Variants in UPP2 observed in about 807,000 individuals in gnomAD.
UPP2 encodes uridine phosphorylase 2, also known as UPase 2.
Under a neutral mutation model 26.7 loss-of-function variants are expected in UPP2, and 23 were observed. The observed-to-expected ratio is 0.86, with a 90% CI of 0.62 to 1.22. The LOEUF is 1.22. Among genes scored for constraint, UPP2 ranks in the 50% most tolerant of loss-of-function variants. The probability of loss-of-function intolerance (pLI) is 0.00; values close to 1 mark genes in which losing one functional copy is unlikely to be tolerated. For missense variants in UPP2, 387 were observed against 396.7 expected, an observed-to-expected ratio of 0.98 and a Z score of 0.21; for synonymous variants, 127 against 141.3, an observed-to-expected ratio of 0.90 and a Z score of 0.72.
At chr2:158,014,348 T>C (rs1196368820) in intron 2 of UPP2, among the ~76,000 whole-genome samples, 2 of 152,088 alleles carry the variant, frequency 1.3e-5, no homozygotes, top group African/African-American at 2.4e-5. Flanking sequence ...TCGCAAATAC[T>C]CTCCAGAATC....
chr2:158,062,273 A>G (rs1193550436), intron 3 of UPP2, among the ~76,000 whole-genome samples: 2 of 152,244 alleles, frequency 1.3e-5, no homozygotes, highest in Non-Finnish European at 2.9e-5. Context: ...TGCAGCTAAG[A>G]AAACACATTT....
chr2:158,095,676 C>A (rs1367056709), intron 3 of UPP2, among the ~76,000 whole-genome samples: 1 of 152,144 alleles, frequency 6.6e-6, no homozygotes, highest in Non-Finnish European at 1.5e-5. Flanking sequence ...TAATACCTAT[C>A]TCACAGACGT....
At chr2:158,027,796 G>T (rs1368600115) in intron 3 of UPP2, among the ~76,000 whole-genome samples, 1 of 152,182 alleles carries the variant, frequency 6.6e-6, no homozygotes, top group Admixed American at 6.5e-5. Flanking sequence ...AATCTAGGCG[G>T]AGGTTTCCAA....
At chr2:158,063,139 C>T (rs1029892450) in intron 3 of UPP2, among the ~76,000 whole-genome samples, 1 of 152,102 alleles carries the variant, frequency 6.6e-6, no homozygotes, top group Non-Finnish European at 1.5e-5. Flanking sequence ...TGAACAATTA[C>T]CTTTTCTGGA....
At chr2:158,130,512 A>T (rs1417440227) in intron 6 of UPP2, among the ~76,000 whole-genome samples, 8 of 152,194 alleles carry the variant, frequency 5.3e-5, no homozygotes, top group Non-Finnish European at 1.2e-4. Context: ...GCTAGTAAAA[A>T]CATTTGCGGT....
At chr2:158,110,532 T>C (rs979083958) in intron 2 of UPP2, among the ~76,000 whole-genome samples, 5 of 152,198 alleles carry the variant, frequency 3.3e-5, no homozygotes. Flanking sequence ...CTGGGTCAAA[T>C]GATATTTCTA....
chr2:158,050,401 A>T (rs573971023), intron 3 of UPP2, among the ~76,000 whole-genome samples: 7 of 149,154 alleles, frequency 4.7e-5, no homozygotes, highest in Admixed American at 2.0e-4. Flanking sequence ...TTTTTTTTTT[A>T]AATGTACTAG....
intron 3 of UPP2, among the ~76,000 whole-genome samples, chr2:158,025,285 T>A (rs913145735): frequency 9.3e-5 from 14 of 150,860 alleles, no homozygotes; most frequent in African/African-American, 3.2e-4. Context: ...TCTGGATAAA[T>A]GCAATAACCC....
upstream of UPP2, among the ~76,000 whole-genome samples, chr2:158,097,178 T>G (rs1276120342): frequency 6.6e-6 from 1 of 152,178 alleles, no homozygotes; most frequent in African/African-American, 2.4e-5. Context: ...TAATAATCAC[T>G]TACTGCATGA....
chr2:158,115,931 T>A (rs1200416060), intron 3 of UPP2, among the ~76,000 whole-genome samples: 2 of 152,148 alleles, frequency 1.3e-5, no homozygotes, highest in African/African-American at 4.8e-5. Flanking sequence ...TCTGAAGCCA[T>A]CACATTTCTG....
chr2:158,129,430 G>A (rs1683763416), intron 6 of UPP2, among the ~76,000 whole-genome samples: 1 of 152,056 alleles, frequency 6.6e-6, no homozygotes, highest in South Asian at 2.1e-4. Flanking sequence ...CTGAGGATGT[G>A]GACTTGCAAG....
chr2:158,120,010 CA>C (rs377179788), intron 4 of UPP2, among the ~76,000 whole-genome samples: 65,273 of 139,234 alleles, frequency 0.47, 15,860 homozygotes, highest in Non-Finnish European at 0.55. Flanking sequence ...GACCTCATCT[CA>C]AAAAAAAAAA....
chr2:158,033,809 G>A (rs999284207), intron 3 of UPP2, among the ~76,000 whole-genome samples: 1 of 152,156 alleles, frequency 6.6e-6, no homozygotes, highest in Non-Finnish European at 1.5e-5. Flanking sequence ...TCACCCCAAG[G>A]TTCTCTTAAA....
At chr2:158,083,439 GCAAACTAACACAA>G (rs1363257795) in intron 3 of UPP2, among the ~76,000 whole-genome samples, 5 of 152,064 alleles carry the variant, frequency 3.3e-5, no homozygotes, top group Non-Finnish European at 5.9e-5. Context: ...ATCATTCTCA[GCAAACTAACACAA>G]GAACAGAAAA....
intron 3 of UPP2, among the ~76,000 whole-genome samples, chr2:158,086,959 T>C (rs1012855028): frequency 6.6e-6 from 1 of 152,166 alleles, no homozygotes; most frequent in African/African-American, 2.4e-5. Flanking sequence ...ATAGAATGTA[T>C]ATTCTGCAGT....
upstream of UPP2, among the ~76,000 whole-genome samples, chr2:158,098,916 C>T (rs1683029096): frequency 1.3e-5 from 2 of 152,040 alleles, no homozygotes; most frequent in Admixed American, 6.6e-5. Flanking sequence ...ACATCTATAC[C>T]ATAAAAAATT....
At position 158,116,904 on chromosome 2, in the gene UPP2, G is replaced by A. The variant is rs114595953; in HGVS notation, c.340-920G>A. On this transcript the variant is annotated intron_variant, in intron 3 of 6. Coordinates refer to ENST00000005756, the MANE Select transcript of UPP2 (RefSeq NM_173355.4). ...GGCATATGCAATGGGAACCAGAAAG[G>A]GGTAACGCAGAGGTTCGAAGTTTCC... 9.9e-3 allele frequency among the ~76,000 whole-genome samples: 1,478 copies of A among 149,408 alleles called. 37 individuals carry two copies. The highest frequency in any genetic ancestry group is 0.017 in the Non-Finnish European group (1,144 of 65,952).
At chr2:158,019,687 C>A (rs60827250) in intron 3 of UPP2, among the ~76,000 whole-genome samples, 6 of 126,646 alleles carry the variant, frequency 4.7e-5, no homozygotes, top group African/African-American at 1.5e-4. Context: ...CACACACACA[C>A]AAGAAAGACA....
intron 3 of UPP2, among the ~76,000 whole-genome samples, chr2:158,033,289 G>A (rs1352044773): frequency 6.6e-6 from 1 of 152,182 alleles, no homozygotes. Flanking sequence ...CACTCCCAGG[G>A]AGGTCTCTCT....
Sources: gnomAD v4.1 joint callset for allele counts (sites outside exome capture counted in the v4.1 genomes callset) on GRCh38, gnomAD v4.1.1 for gene constraint, MANE v1.5 for transcripts, NCBI Gene and HGNC (gene_info 2026-07-23, HGNC 2026-07-21) for gene names.